Variants in E2F3 observed in about 807,000 individuals in gnomAD.
E2F3 encodes E2F transcription factor 3.
In E2F3, 11 loss-of-function variants were observed where a neutral mutation model predicts 44.4. The observed-to-expected ratio is 0.25, with a 90% CI of 0.16 to 0.41. E2F3 has a LOEUF of 0.41. Ranked by LOEUF, E2F3 falls within the 10% of genes least tolerant of loss-of-function variation. The probability of loss-of-function intolerance (pLI) is 1.00; values close to 1 mark genes in which losing one functional copy is unlikely to be tolerated. For synonymous variants in E2F3, 249 were observed against 253.0 expected (o/e 0.98, Z 0.15); for missense variants, 487 against 583.6 (o/e 0.83, Z 1.70).
chr6:20,455,967 C>G (rs1375483096), intron 1 of E2F3, among the ~76,000 whole-genome samples: 1 of 152,028 alleles, frequency 6.6e-6, no homozygotes, highest in Non-Finnish European at 1.5e-5. Context: ...CAAACTAAGT[C>G]ACAGATCAAG....
At chr6:20,474,998 G>A (rs1762001161) in intron 1 of E2F3, among the ~76,000 whole-genome samples, 1 of 152,222 alleles carries the variant, frequency 6.6e-6, no homozygotes, top group African/African-American at 2.4e-5. Flanking sequence ...ACAGCAGTTT[G>A]TAGAGCCTAT....
intron 1 of E2F3, among the ~76,000 whole-genome samples, chr6:20,423,083 T>C (rs1246059705): frequency 6.6e-6 from 1 of 152,186 alleles, no homozygotes; most frequent in East Asian, 1.9e-4. Context: ...TTTCTTTTGA[T>C]TTTTCTATGA....
Position 20,493,230 on chromosome 6 carries a change from T to C in E2F3, c.*2800T>C, listed in dbSNP as rs4134989. ...TTATTTTGTTTTTGTTTTTCTGTTC[T>C]TTGTTGTGGCTCTTGTTTTCATTTT... On this transcript the variant is annotated 3_prime_UTR_variant, in exon 7 of 7. Transcript: ENST00000346618. The C allele has an allele frequency of 0.055, 12,546 of 226,890 alleles. 951 individuals carry two copies. The highest frequency in any genetic ancestry group is 0.2 in the African/African-American group (8,865 of 45,028). The allele number at this position is 226,890 out of a possible 1,614,324, so 14.1% of individuals were successfully genotyped here. A position where few individuals can be genotyped will look rare whatever the true frequency, so the allele number is the denominator to read the frequency against.
At chr6:20,411,456 C>A (rs775948990) in intron 1 of E2F3, among the ~76,000 whole-genome samples, 1 of 152,200 alleles carries the variant, frequency 6.6e-6, no homozygotes, top group African/African-American at 2.4e-5. Context: ...TTCCCCTTCG[C>A]CTTGCCCTCT....
At chr6:20,427,612 G>T (rs371607926) in intron 1 of E2F3, among the ~76,000 whole-genome samples, 103 of 152,242 alleles carry the variant, frequency 6.8e-4, no homozygotes, top group African/African-American at 2.4e-3. Flanking sequence ...TGTGGCCATT[G>T]AATTCTTGGG....
chr6:20,473,662 T>C (rs1256782548), intron 1 of E2F3, among the ~76,000 whole-genome samples: 2 of 152,212 alleles, frequency 1.3e-5, no homozygotes, highest in Non-Finnish European at 2.9e-5. Context: ...AGCACCTCCC[T>C]TGAAGGGATT....
intron 1 of E2F3, among the ~76,000 whole-genome samples, chr6:20,472,246 G>C (rs530880090): frequency 6.6e-6 from 1 of 152,322 alleles, no homozygotes; most frequent in East Asian, 1.9e-4. Context: ...TTAGAGTCCA[G>C]TGAGGAAGCC....
Position 20,490,488 on chromosome 6 carries a change from C to A in E2F3, c.*58C>A. The stretch of plus-strand genomic sequence containing the variant: ...ATATTTTTTTATCATGGAACCAGAA[C>A]ATCTGTCATGCAGTGTTGTCCCTTC... On this transcript the variant is annotated 3_prime_UTR_variant, in exon 7 of 7. Coordinates refer to ENST00000346618, the MANE Select transcript of E2F3 (RefSeq NM_001949.5). This position sits in a 1 kb window ranked among gnomAD's most constrained non-coding sequence, Gnocchi z 4.3. 6.6e-7 allele frequency: 1 copy of A among 1,504,240 alleles called. No homozygotes were observed. The highest frequency in any genetic ancestry group is 8.9e-7 in the Non-Finnish European group (1 of 1,120,272). 93.2% of individuals were successfully genotyped at this position (1,504,240 alleles called of 1,614,324 possible).
At chr6:20,448,060 A>C (rs1384303152) in intron 1 of E2F3, among the ~76,000 whole-genome samples, 1 of 152,218 alleles carries the variant, frequency 6.6e-6, no homozygotes, top group East Asian at 1.9e-4. Context: ...CTCCAGTTTC[A>C]TTCCTGGGGA....
At chr6:20,416,460 C>T (rs1759848994) in intron 1 of E2F3, among the ~76,000 whole-genome samples, 1 of 152,202 alleles carries the variant, frequency 6.6e-6, no homozygotes, top group African/African-American at 2.4e-5. Context: ...AAGATTTTGC[C>T]ACATCATAAA....
At chr6:20,439,309 A>G (rs1056818370) in intron 1 of E2F3, among the ~76,000 whole-genome samples, 17 of 152,246 alleles carry the variant, frequency 1.1e-4, no homozygotes, top group African/African-American at 3.6e-4. Flanking sequence ...TCACATTTTG[A>G]ACTGAGTTCC....
chr6:20,489,084 C>T (rs1561889434), intron 6 of E2F3, among the ~76,000 whole-genome samples: 1 of 152,124 alleles, frequency 6.6e-6, no homozygotes, highest in African/African-American at 2.4e-5. Context: ...TTTTCCATTT[C>T]CTAACTTGAG....
chr6:20,474,779 C>T (rs1276394429), intron 1 of E2F3, among the ~76,000 whole-genome samples: 2 of 152,170 alleles, frequency 1.3e-5, no homozygotes, highest in African/African-American at 2.4e-5. Flanking sequence ...AATTCTTAGC[C>T]CTTTTTCAAG....
In E2F3 at chr6:20,468,141, C is replaced by A. The variant is rs140552063; in HGVS notation, c.394-11705C>A. ...ATCAAGCAAGCAATTCATTCTGCAG[C>A]GGACACTAGCTGGGCGTCCTCCAAT... is the stretch of plus-strand genomic sequence containing the variant. On this transcript the variant is annotated intron_variant, in intron 1 of 6. Coordinates refer to ENST00000346618, the MANE Select transcript of E2F3 (RefSeq NM_001949.5). Among the ~76,000 whole-genome samples, 457 of 152,328 alleles carry A rather than the reference C, an allele frequency of 3.0e-3. 1 individual carries two copies. Among genetic ancestry groups the A allele is most frequent in the Middle Eastern group, 0.014 (4 of 294 alleles).
At chr6:20,436,620 T>C (rs1000397424) in intron 1 of E2F3, among the ~76,000 whole-genome samples, 2 of 152,192 alleles carry the variant, frequency 1.3e-5, no homozygotes, top group African/African-American at 4.8e-5. Context: ...TCTTCCTCTG[T>C]CTCTCTATGT....
In E2F3 at chr6:20,482,766, T is replaced by C; in HGVS notation, c.730T>C (p.Cys244Arg). The C allele has an allele frequency of 6.2e-7, 1 of 1,604,544 alleles. No individual in the cohort carries two copies. ...KSKNNVQWMG[C>R]SLSEDGGMLA... ...AGTCTGTGTTTGGGTTTCTAGGGGC[T>C]GCAGTCTGTCTGAGGATGGGGGCAT... Residue 244 changes from cysteine to arginine, a missense_variant, in exon 4 of 7, where the codon TGC becomes CGC. Around this residue, in one of 3 missense-constraint regions of E2F3, gnomAD observed 220 missense variants for 261.7 expected, o/e 0.84. Coordinates refer to ENST00000346618, the MANE Select transcript of E2F3 (RefSeq NM_001949.5).
Position 20,479,908 on chromosome 6 carries a change from C to A in E2F3, c.456C>A (p.Thr152=). The A allele has an allele frequency of 1.2e-6, 2 of 1,612,876 alleles. No individual in the cohort carries two copies. Among genetic ancestry groups the A allele is most frequent in the Non-Finnish European group, 1.7e-6 (2 of 1,179,516 alleles). Reference sequence around the variant, plus strand: ...AGTACCTCTCAGATGGTTTAAAAACCCCCAAGGGCAAAGGAAGAGCTGCAC... The same window carrying A: ...AGTACCTCTCAGATGGTTTAAAAACACCCAAGGGCAAAGGAAGAGCTGCAC... ...GHQYLSDGLK[T]PKGKGRAALR... Residue 152 remains threonine (T), a synonymous_variant, in exon 2 of 7, where the codon ACC becomes ACA. Coordinates refer to ENST00000346618, the MANE Select transcript of E2F3 (RefSeq NM_001949.5).
intron 1 of E2F3, among the ~76,000 whole-genome samples, chr6:20,445,879 G>A (rs781009724): frequency 1.6e-4 from 25 of 152,288 alleles, no homozygotes; most frequent in Non-Finnish European, 3.2e-4. Context: ...ATTCCAGCTC[G>A]GGGTTTCTGG....
At position 20,402,454 on chromosome 6, in the gene E2F3, C is replaced by A. The variant is rs1174742094; in HGVS notation, c.222C>A (p.Leu74=). ...NTSTTSCSSS[L]QSGAVAAGPL... is the part of the protein sequence containing the mutation. ...CCACCACCTCCTGTTCCTCCTCCCT[C>A]CAAAGCGGCGCCGTAGCCGCCGGCC... The change falls in exon 1 of 7, where the codon CTC becomes CTA. Residue 74 remains leucine (L), a synonymous_variant. Coordinates refer to ENST00000346618, the MANE Select transcript of E2F3 (RefSeq NM_001949.5). This position sits in a 1 kb window ranked among gnomAD's most constrained non-coding sequence, Gnocchi z 5.6. The A allele has an allele frequency of 1.2e-6, 2 of 1,611,120 alleles. No individual in the cohort carries two copies. Among genetic ancestry groups the A allele is most frequent in the South Asian group, 2.2e-5 (2 of 91,068 alleles).
Sources: allele counts gnomAD v4.1 joint callset (sites outside exome capture counted in the v4.1 genomes callset), GRCh38; gene constraint gnomAD v4.1.1; regional missense constraint gnomAD v4.1.1; non-coding constraint Gnocchi (gnomAD v3.1); transcripts MANE v1.5; gene names NCBI Gene and HGNC (gene_info 2026-07-23, HGNC 2026-07-21).